The following SLC24A2 variants were observed in gnomAD, a reference collection of about 807,000 sequenced individuals.
SLC24A2 encodes solute carrier family 24 member 2, also known as sodium/potassium/calcium exchanger 2.
Under a neutral mutation model 62.0 loss-of-function variants are expected in SLC24A2, and 36 were observed. The ratio of observed to expected loss-of-function variants is 0.58; its 90% CI spans 0.44 to 0.77. The LOEUF (loss-of-function observed/expected upper bound fraction) is 0.77. Among genes scored for constraint, SLC24A2 ranks in the 30% least tolerant of loss-of-function variants. The pLI is 0.00. For synonymous variants in SLC24A2, 358 were observed against 294.0 expected (o/e 1.22, Z -2.23); for missense variants, 846 against 817.9 (o/e 1.03, Z -0.42).
At chr9:20,118,642 A>G in the SLC24A2 span, among the ~76,000 whole-genome samples, 8 of 152,124 alleles carry the variant, frequency 5.3e-5, no homozygotes, top group African/African-American at 1.9e-4. Flanking sequence ...AAAATCAGTT[A>G]AAAGTAAAAA....
intron 2 of SLC24A2, among the ~76,000 whole-genome samples, chr9:19,687,474 T>C (rs1368189031): frequency 6.6e-6 from 1 of 152,026 alleles, no homozygotes; most frequent in African/African-American, 2.4e-5. Flanking sequence ...AATTCCTTTG[T>C]CCATTTGGGT....
chr9:19,525,101 G>C (rs774037769), intron 9 of SLC24A2, among the ~76,000 whole-genome samples: 7 of 152,172 alleles, frequency 4.6e-5, no homozygotes, highest in Non-Finnish European at 8.8e-5. Flanking sequence ...CTCTCAATGA[G>C]TGTATAAAAT....
the SLC24A2 span, among the ~76,000 whole-genome samples, chr9:19,941,227 GGAGTA>G: frequency 3.5e-5 from 5 of 142,602 alleles, no homozygotes; most frequent in Admixed American, 1.4e-4. Flanking sequence ...GTTTTACTAT[GGAGTA>G]GAGACAAATA....
chr9:19,860,823 G>A, the SLC24A2 span, among the ~76,000 whole-genome samples: 9 of 152,324 alleles, frequency 5.9e-5, no homozygotes, highest in African/African-American at 2.2e-4. Flanking sequence ...TCGTGGGCCC[G>A]AGGTGGCAGT....
At chr9:19,727,258 T>G (rs1023854739) in intron 2 of SLC24A2, among the ~76,000 whole-genome samples, 1 of 152,190 alleles carries the variant, frequency 6.6e-6, no homozygotes, top group Non-Finnish European at 1.5e-5. Context: ...GAGGGGGATC[T>G]GTATACAGTG....
chr9:20,244,106 C>A, the SLC24A2 span, among the ~76,000 whole-genome samples: 1 of 152,270 alleles, frequency 6.6e-6, no homozygotes, highest in East Asian at 1.9e-4. Flanking sequence ...TGGACTAATT[C>A]CTTTGAGAGT....
At position 19,786,869 on chromosome 9, in the gene SLC24A2, TG is replaced by T; in HGVS notation, c.-4del. The T allele has an allele frequency of 6.2e-7, 1 of 1,607,426 alleles. No individual in the cohort carries two copies. ...GTGGTGCTTTGTTGCAGATCCATCC[TG>T]GGTCTTCTGGTGGATATGGTGATCT... On this transcript the variant is annotated 5_prime_UTR_variant, in exon 2 of 11. Coordinates refer to ENST00000341998, the MANE Select transcript of SLC24A2 (RefSeq NM_020344.4). The surrounding 1 kb of genome is among the most constrained non-coding windows in gnomAD (Gnocchi z 5.0).
intron 2 of SLC24A2, among the ~76,000 whole-genome samples, chr9:19,648,442 A>G (rs1818705063): frequency 6.6e-6 from 1 of 152,230 alleles, no homozygotes; most frequent in Non-Finnish European, 1.5e-5. Flanking sequence ...AGATACTTTC[A>G]AAACACAAGA....
At chr9:19,903,569 T>G in the SLC24A2 span, among the ~76,000 whole-genome samples, 1 of 152,082 alleles carries the variant, frequency 6.6e-6, no homozygotes, top group South Asian at 2.1e-4. Context: ...CCCTTCTCAC[T>G]CAGGTAGGCT....
chr9:19,986,912 G>T, the SLC24A2 span, among the ~76,000 whole-genome samples: 1 of 152,078 alleles, frequency 6.6e-6, no homozygotes, highest in Non-Finnish European at 1.5e-5. Flanking sequence ...GAAATGTTCA[G>T]TTTAAAATGG....
intron 2 of SLC24A2, among the ~76,000 whole-genome samples, chr9:19,707,951 G>C (rs1343295332): frequency 6.6e-6 from 1 of 152,170 alleles, no homozygotes; most frequent in Non-Finnish European, 1.5e-5. Flanking sequence ...ATTAGGAAAA[G>C]AGGAAGTCAA....
intron 2 of SLC24A2, among the ~76,000 whole-genome samples, chr9:19,782,528 G>A (rs904778736): frequency 3.9e-5 from 6 of 152,162 alleles, no homozygotes; most frequent in Non-Finnish European, 8.8e-5. Context: ...GTGAACTAGA[G>A]CTTATGAATA....
chr9:19,924,508 T>G, the SLC24A2 span, among the ~76,000 whole-genome samples: 4 of 152,156 alleles, frequency 2.6e-5, no homozygotes, highest in Non-Finnish European at 5.9e-5. Context: ...TAGTCAGCTG[T>G]GTCCATCAGT....
chr9:19,716,416 A>C (rs1341476716), intron 2 of SLC24A2, among the ~76,000 whole-genome samples: 1 of 152,222 alleles, frequency 6.6e-6, no homozygotes, highest in Non-Finnish European at 1.5e-5. Context: ...CCAATGATAG[A>C]TAGAACAGGG....
At chr9:20,150,591 AT>A in the SLC24A2 span, among the ~76,000 whole-genome samples, 1 of 151,948 alleles carries the variant, frequency 6.6e-6, no homozygotes, top group Non-Finnish European at 1.5e-5. Flanking sequence ...TACAAACTCT[AT>A]TTCTAGGAAT....
chr9:19,730,869 T>C (rs1359446160), intron 2 of SLC24A2, among the ~76,000 whole-genome samples: 2 of 123,356 alleles, frequency 1.6e-5, no homozygotes, highest in Non-Finnish European at 3.3e-5. Flanking sequence ...TTAAATCCTA[T>C]AACTCTTAGG....
chr9:19,753,927 C>T (rs946026222), intron 2 of SLC24A2, among the ~76,000 whole-genome samples: 1 of 152,130 alleles, frequency 6.6e-6, no homozygotes, highest in African/African-American at 2.4e-5. Context: ...CTCCTTCCAC[C>T]TGCATCAAAC....
the SLC24A2 span, among the ~76,000 whole-genome samples, chr9:20,262,502 T>G: frequency 6.6e-6 from 1 of 152,240 alleles, no homozygotes; most frequent in African/African-American, 2.4e-5. Flanking sequence ...CTAGCAGCTT[T>G]GCTGGCCACT....
intron 2 of SLC24A2, among the ~76,000 whole-genome samples, chr9:19,631,641 C>T (rs375572227): frequency 4.1e-4 from 63 of 152,116 alleles, no homozygotes; most frequent in African/African-American, 1.4e-3. Context: ...TGGCCATAAG[C>T]GGTGAGACTA....
Sources: gnomAD v4.1 joint callset for allele counts (sites outside exome capture counted in the v4.1 genomes callset) on GRCh38, gnomAD v4.1.1 for gene constraint, Gnocchi (gnomAD v3.1) non-coding constraint, MANE v1.5 for transcripts, NCBI Gene and HGNC (gene_info 2026-07-23, HGNC 2026-07-21) for gene names.